The following FLT1 variants were observed in gnomAD, a reference collection of about 807,000 sequenced individuals.
The protein encoded by FLT1 is fms related receptor tyrosine kinase 1, also known as vascular endothelial growth factor receptor 1.
Under a neutral mutation model 156.3 loss-of-function variants are expected in FLT1, and 49 were observed. The observed-to-expected ratio is 0.31, with a 90% CI of 0.25 to 0.40. FLT1 has a LOEUF of 0.40. Ranked by LOEUF, FLT1 falls within the 10% of genes least tolerant of loss-of-function variation. The probability of loss-of-function intolerance (pLI) is 1.00; values close to 1 mark genes in which losing one functional copy is unlikely to be tolerated. For missense variants in FLT1, 1,322 were observed against 1,637.2 expected (o/e 0.81, Z 3.32); for synonymous variants, 594 against 583.8 (o/e 1.02, Z -0.25).
intron 14 of FLT1, among the ~76,000 whole-genome samples, chr13:28,373,843 TAACC>T (rs1440028737): frequency 6.6e-6 from 1 of 152,174 alleles, no homozygotes; most frequent in Non-Finnish European, 1.5e-5. Context: ...CCACCCCCAC[TAACC>T]CCTCGATGTC....
chr13:28,306,622 C>T (rs1439513512), intron 29 of FLT1, 56 bp downstream of exon 29: 2 of 1,199,238 alleles, frequency 1.7e-6, no homozygotes, highest in Non-Finnish European at 2.5e-6. Context: ...CTTCCCCCAG[C>T]ATCTCCCCTC....
At chr13:28,485,419 T>C (rs1472004025) in intron 1 of FLT1, among the ~76,000 whole-genome samples, 1 of 152,188 alleles carries the variant, frequency 6.6e-6, no homozygotes, top group East Asian at 1.9e-4. Flanking sequence ...GAATTAAGAA[T>C]AGAAAGCTCT....
chr13:28,376,201 C>T (rs967011167), intron 14 of FLT1, among the ~76,000 whole-genome samples: 8 of 152,144 alleles, frequency 5.3e-5, no homozygotes, highest in Non-Finnish European at 7.3e-5. Context: ...TATAGTGTGA[C>T]AGGAAAGATG....
chr13:28,350,464 C>T (rs1039860622), intron 15 of FLT1, among the ~76,000 whole-genome samples: 1 of 152,094 alleles, frequency 6.6e-6, no homozygotes, highest in Non-Finnish European at 1.5e-5. Flanking sequence ...CCTGACGTCT[C>T]TGCAGCTGCG....
Position 28,434,228 on chromosome 13 carries a change from G to A in FLT1, c.514-8C>T, listed in dbSNP as rs1593789095. The A allele has an allele frequency of 6.2e-7, 1 of 1,613,778 alleles. No homozygotes were observed. Among genetic ancestry groups the A allele is most frequent in the Non-Finnish European group, 8.5e-7 (1 of 1,179,912 alleles). The stretch of plus-strand genomic sequence containing the variant: ...CAAAGTGTCAAGTGGAAACTGAAAA[G>A]GAAGAGGCATGCATTAACAAGGTCC... On this transcript the variant is annotated splice_region_variant and splice_polypyrimidine_tract_variant and intron_variant, in intron 4 of 29. Transcript: ENST00000282397.
intron 3 of FLT1, among the ~76,000 whole-genome samples, chr13:28,462,990 C>T (rs1359966434): frequency 2.0e-5 from 3 of 152,098 alleles, no homozygotes; most frequent in African/African-American, 7.2e-5. Flanking sequence ...CCCACAGAGC[C>T]CTAATGTGAA....
chr13:28,398,768 G>A (rs1875229228), intron 11 of FLT1, among the ~76,000 whole-genome samples: 1 of 152,210 alleles, frequency 6.6e-6, no homozygotes, highest in South Asian at 2.1e-4. Flanking sequence ...CCCAGATGTT[G>A]TAAGAGAGAC....
chr13:28,319,778 A>G (rs565814895), intron 23 of FLT1, among the ~76,000 whole-genome samples: 1 of 152,330 alleles, frequency 6.6e-6, no homozygotes, highest in African/African-American at 2.4e-5. Flanking sequence ...TGTGTTCAGC[A>G]TGTCCTTATC....
intron 1 of FLT1, among the ~76,000 whole-genome samples, chr13:28,489,921 TAAGAA>T (rs1401700791): frequency 1.3e-5 from 2 of 152,224 alleles, no homozygotes; most frequent in East Asian, 3.8e-4. Flanking sequence ...TTATGTGCGT[TAAGAA>T]AATAGAAGAA....
At chr13:28,320,852 T>G (rs1305704639) in intron 23 of FLT1, among the ~76,000 whole-genome samples, 1 of 151,978 alleles carries the variant, frequency 6.6e-6, no homozygotes, top group African/African-American at 2.4e-5. Context: ...AGCTTAACCC[T>G]CAGGGTATAT....
At chr13:28,333,909 T>C (rs1872019888) in intron 18 of FLT1, 116 bp downstream of exon 18, 1 of 794,304 alleles carries the variant, frequency 1.3e-6, no homozygotes, top group South Asian at 1.4e-5. Flanking sequence ...AAGAAAATTA[T>C]GTGTCCAGAG....
chr13:28,316,257 T>C (rs1226628324), intron 25 of FLT1, among the ~76,000 whole-genome samples: 1 of 152,110 alleles, frequency 6.6e-6, no homozygotes, highest in Non-Finnish European at 1.5e-5. Flanking sequence ...CCCGAGATGA[T>C]GAAGGAAAGA....
chr13:28,300,501 T>C lies in FLT1; in HGVS notation c.*2666A>G, dbSNP rs1466944005. The C allele has an allele frequency of 3.2e-5, 7 of 221,986 alleles. No individual in the cohort carries two copies. The East Asian group carries it at 3.7e-4, about 12-fold the overall frequency. The allele number at this position is 221,986 out of a possible 1,614,324, so 13.8% of individuals were successfully genotyped here. On this transcript the variant is annotated 3_prime_UTR_variant, in exon 30 of 30. Coordinates refer to ENST00000282397, the MANE Select transcript of FLT1 (RefSeq NM_002019.4). Reference sequence around the variant, plus strand: ...AAATTCCAGTTTCCTTAAATAGTTATGCACAAAACACACATACACCCACAC... The same window carrying C: ...AAATTCCAGTTTCCTTAAATAGTTACGCACAAAACACACATACACCCACAC...
Position 28,301,947 on chromosome 13 carries a change from C to T in FLT1, c.*1220G>A. 4.3e-6 allele frequency: 1 copy of T among 233,714 alleles called. No homozygotes were observed. The highest frequency in any genetic ancestry group is 8.5e-6 in the Non-Finnish European group (1 of 118,024). 14.5% of individuals were successfully genotyped at this position (233,714 alleles called of 1,614,324 possible). On this transcript the variant is annotated 3_prime_UTR_variant, in exon 30 of 30. Coordinates refer to ENST00000282397, the MANE Select transcript of FLT1 (RefSeq NM_002019.4). ...TGCTTAATATGCGCCAGCTAATGCT[C>T]TTCCACATCCTTTCAGATTAGTGTG...
chr13:28,329,790 G>A (rs1342076788), intron 18 of FLT1, 62 bp from the exon 19 acceptor site: 8 of 1,371,518 alleles, frequency 5.8e-6, no homozygotes, highest in South Asian at 2.4e-5. Flanking sequence ...CGCCGGAGGC[G>A]GCATTCTTGC....
rs575164672 is a variant in FLT1, at chr13:28,467,433, T to C, written c.161+88A>G. The C allele has an allele frequency of 1.2e-4, 102 of 885,508 alleles. No individual in the cohort carries two copies. In the African/African-American group the frequency reaches 1.6e-3, roughly 14 times the overall value. 54.9% of individuals were successfully genotyped at this position (885,508 alleles called of 1,614,324 possible). A position where few individuals can be genotyped will look rare whatever the true frequency, so the allele number is the denominator to read the frequency against. ...CACTTTGCAGATCACAGGAGATCAC[T>C]GAGGTCCCTACCTTTTTACTCTGCC... On this transcript the variant is annotated intron_variant, in intron 2 of 29. Transcript: ENST00000282397.
chr13:28,377,029 C>T (rs763230723), intron 14 of FLT1, among the ~76,000 whole-genome samples: 3 of 152,236 alleles, frequency 2.0e-5, no homozygotes, highest in African/African-American at 7.2e-5. Context: ...CAGGATTCAT[C>T]TCTGACTTTG....
intron 1 of FLT1, among the ~76,000 whole-genome samples, chr13:28,481,778 C>A (rs918861981): frequency 6.6e-6 from 1 of 152,198 alleles, no homozygotes; most frequent in Non-Finnish European, 1.5e-5. Context: ...AGATCTCCTG[C>A]AAACTATGTA....
intron 13 of FLT1, chr13:28,389,127 A>G: frequency 9.4e-7 from 1 of 1,062,368 alleles, no homozygotes; most frequent in Non-Finnish European, 1.1e-6. Flanking sequence ...GCTCCAGTTC[A>G]AGATAAATGT....
Sources: gnomAD v4.1 joint callset for allele counts (sites outside exome capture counted in the v4.1 genomes callset) on GRCh38, gnomAD v4.1.1 for gene constraint, MANE v1.5 for transcripts, NCBI Gene and HGNC (gene_info 2026-07-23, HGNC 2026-07-21) for gene names.